The following PTPRN2 variants were observed in gnomAD, a reference collection of about 807,000 sequenced individuals.
The protein encoded by PTPRN2 is receptor-type tyrosine-protein phosphatase N2.
Under a neutral mutation model 118.8 loss-of-function variants are expected in PTPRN2, and 74 were observed. That is an observed-to-expected ratio of 0.62 (90% CI 0.52 to 0.76). The LOEUF is 0.76. Ranked by LOEUF, PTPRN2 falls within the 30% of genes least tolerant of loss-of-function variation. The pLI, the probability that PTPRN2 is intolerant of heterozygous loss-of-function variation, is 0.00. For synonymous variants in PTPRN2, 641 were observed against 608.0 expected (o/e 1.05, Z -0.80); for missense variants, 1,481 against 1,394.4 (o/e 1.06, Z -0.99).
intron 12 of PTPRN2, among the ~76,000 whole-genome samples, chr7:157,687,193 T>G (rs193077734): frequency 2.6e-4 from 39 of 152,286 alleles, no homozygotes; most frequent in Admixed American, 2.3e-3. Context: ...TTGTGAGCCA[T>G]TTACGGGAAA....
chr7:158,444,186 G>T (rs934605830), intron 2 of PTPRN2, among the ~76,000 whole-genome samples: 5 of 152,192 alleles, frequency 3.3e-5, no homozygotes, highest in African/African-American at 4.8e-5. Context: ...CGGCAGCCTC[G>T]CCTGGCTCCA....
At chr7:158,376,135 C>A (rs2151329768) in intron 2 of PTPRN2, among the ~76,000 whole-genome samples, 1 of 152,278 alleles carries the variant, frequency 6.6e-6, no homozygotes, top group African/African-American at 2.4e-5. Context: ...AGGGCCAGAG[C>A]CCAAAAGCAC....
chr7:158,219,680 AC>A (rs1297910137), intron 3 of PTPRN2, among the ~76,000 whole-genome samples: 1 of 151,940 alleles, frequency 6.6e-6, no homozygotes, highest in East Asian at 1.9e-4. Context: ...AAAATAGAAG[AC>A]CTAAATAAGC....
chr7:157,597,110 A>G (rs573284857), intron 16 of PTPRN2, among the ~76,000 whole-genome samples: 3 of 152,316 alleles, frequency 2.0e-5, no homozygotes, highest in Admixed American at 6.5e-5. Context: ...TATGTTCACC[A>G]TAAAAGAGGG....
chr7:158,562,680 T>C (rs557471888), intron 1 of PTPRN2, among the ~76,000 whole-genome samples: 1 of 152,316 alleles, frequency 6.6e-6, no homozygotes, highest in East Asian at 1.9e-4. Context: ...CATGAAGCCC[T>C]GTGTGCTTGC....
chr7:158,549,908 C>T (rs555303208), intron 1 of PTPRN2, among the ~76,000 whole-genome samples: 6 of 152,336 alleles, frequency 3.9e-5, no homozygotes, highest in South Asian at 4.1e-4. Context: ...GTGTGCATGA[C>T]GTGACCTCAC....
intron 1 of PTPRN2, among the ~76,000 whole-genome samples, chr7:158,500,559 G>A (rs771062710): frequency 1.3e-5 from 2 of 152,190 alleles, no homozygotes; most frequent in Non-Finnish European, 2.9e-5. Flanking sequence ...AAAAATGTGA[G>A]TTGAAGTTTC....
chr7:158,400,758 C>T (rs1479888621), intron 2 of PTPRN2, among the ~76,000 whole-genome samples: 2 of 152,136 alleles, frequency 1.3e-5, no homozygotes, highest in Non-Finnish European at 2.9e-5. Flanking sequence ...ACCTCAGAGC[C>T]TCTCTGGAGT....
At chr7:158,130,542 A>C (rs1818107954) in intron 9 of PTPRN2, among the ~76,000 whole-genome samples, 1 of 151,722 alleles carries the variant, frequency 6.6e-6, no homozygotes, top group Admixed American at 6.6e-5. Context: ...ATACAGATAC[A>C]CACATCTACC....
chr7:157,981,139 A>C (rs1448607774), intron 11 of PTPRN2, among the ~76,000 whole-genome samples: 1 of 152,254 alleles, frequency 6.6e-6, no homozygotes, highest in East Asian at 1.9e-4. Flanking sequence ...TGAGTGGATA[A>C]ACAGCCTTTT....
intron 12 of PTPRN2, among the ~76,000 whole-genome samples, chr7:157,828,154 T>A (rs1807309819): frequency 6.6e-6 from 1 of 152,216 alleles, no homozygotes; most frequent in Non-Finnish European, 1.5e-5. Flanking sequence ...AAATTCAGCA[T>A]CACGTCTTAC....
chr7:158,293,642 CACTT>C (rs929395113), intron 3 of PTPRN2, among the ~76,000 whole-genome samples: 7 of 152,004 alleles, frequency 4.6e-5, no homozygotes, highest in African/African-American at 1.7e-4. Flanking sequence ...TTTCTTATAA[CACTT>C]AGCTTAAAAC....
intron 3 of PTPRN2, among the ~76,000 whole-genome samples, chr7:158,236,613 G>A (rs1356698832): frequency 3.9e-5 from 6 of 152,166 alleles, no homozygotes; most frequent in Admixed American, 3.9e-4. Context: ...GTGAAGACGT[G>A]ATGGCACTCA....
chr7:157,836,917 GCACTCACCACCACCTATC>G (rs1235774775), intron 12 of PTPRN2, among the ~76,000 whole-genome samples: 74 of 148,688 alleles, frequency 5.0e-4, no homozygotes, highest in East Asian at 1.0e-3. Flanking sequence ...CACCCACCCT[GCACTCACCACCACCTATC>G]CACTCACCAC....
intron 2 of PTPRN2, among the ~76,000 whole-genome samples, chr7:158,318,416 G>C (rs1432942476): frequency 6.6e-6 from 1 of 152,186 alleles, no homozygotes; most frequent in Non-Finnish European, 1.5e-5. Flanking sequence ...CCCAGCTCCC[G>C]TGCTCACAAT....
At chr7:158,132,077 GACAC>G (rs773917301) in intron 9 of PTPRN2, among the ~76,000 whole-genome samples, 84 of 147,810 alleles carry the variant, frequency 5.7e-4, no homozygotes, top group African/African-American at 1.7e-3. Flanking sequence ...ACATCTACCT[GACAC>G]ACACACACAC....
intron 12 of PTPRN2, among the ~76,000 whole-genome samples, chr7:157,791,466 T>G (rs576896705): frequency 6.6e-6 from 1 of 152,180 alleles, no homozygotes; most frequent in African/African-American, 2.4e-5. Context: ...CGGATGCATG[T>G]ATGTGCCCGG....
At chr7:158,024,159 T>C (rs1408847157) in intron 11 of PTPRN2, among the ~76,000 whole-genome samples, 2 of 151,996 alleles carry the variant, frequency 1.3e-5, no homozygotes, top group Admixed American at 1.3e-4. Context: ...CCAACAAAGC[T>C]CCGGGATGTT....
intron 1 of PTPRN2, among the ~76,000 whole-genome samples, chr7:158,545,199 T>G (rs942424817): frequency 3.9e-5 from 6 of 152,176 alleles, no homozygotes; most frequent in African/African-American, 1.4e-4. Context: ...ATATAAAACC[T>G]CAGAGCCTCT....
Sources: gnomAD v4.1 joint callset for allele counts (sites outside exome capture counted in the v4.1 genomes callset) on GRCh38, gnomAD v4.1.1 for gene constraint, MANE v1.5 for transcripts, NCBI Gene and HGNC (gene_info 2026-07-23, HGNC 2026-07-21) for gene names.